IAH1: variants seen among roughly 807,000 people sequenced by gnomAD.
IAH1 encodes isoamyl acetate hydrolyzing esterase 1 (putative).
Under a neutral mutation model 26.7 loss-of-function variants are expected in IAH1, and 24 were observed. That is an observed-to-expected ratio of 0.90 (90% confidence interval 0.65 to 1.26). The LOEUF is 1.26. Ranked by LOEUF, IAH1 falls within the 50% of genes most tolerant of loss-of-function variation. The probability of loss-of-function intolerance (pLI) is 0.00; values close to 1 mark genes in which losing one functional copy is unlikely to be tolerated. For synonymous variants in IAH1, 140 were observed against 118.5 expected, an observed-to-expected ratio of 1.18 and a Z score of -1.18; for missense variants, 300 against 299.9, an observed-to-expected ratio of 1.00 and a Z score of 0.00.
At chr2:9,477,785 T>C (rs1660909488) in intron 2 of IAH1, among the ~76,000 whole-genome samples, 1 of 151,280 alleles carries the variant, frequency 6.6e-6, no homozygotes, top group Non-Finnish European at 1.5e-5. Flanking sequence ...CTAAAACTAT[T>C]TAATCAAAAC....
downstream of IAH1, chr2:9,490,461 G>GAA: frequency 6.2e-7 from 1 of 1,614,070 alleles, no homozygotes; most frequent in Non-Finnish European, 8.5e-7. Context: ...TGGGGCGCAG[G>GAA]AAAGGGTTTG....
chr2:9,512,194 T>G, the IAH1 span: 1 of 152,226 alleles, frequency 6.6e-6, no homozygotes, highest in East Asian at 1.9e-4. Context: ...CCCAAAGGTG[T>G]AATGAAGAGA....
chr2:9,492,011 A>G (rs888867590), downstream of IAH1, among the ~76,000 whole-genome samples: 2 of 152,188 alleles, frequency 1.3e-5, no homozygotes, highest in Non-Finnish European at 2.9e-5. Context: ...AGTGCTCCCT[A>G]GAGATCTTCC....
intron 4 of IAH1, among the ~76,000 whole-genome samples, chr2:9,481,777 C>T (rs1232030883): frequency 6.9e-6 from 1 of 145,910 alleles, no homozygotes; most frequent in South Asian, 2.2e-4. Flanking sequence ...CCTGCGGGGG[C>T]TGATGCTGAT....
At chr2:9,488,018 T>A in intron 5 of IAH1, 129 bp from the exon 6 acceptor site, 1 of 616,952 alleles carries the variant, frequency 1.6e-6, no homozygotes. Flanking sequence ...ATTTTTAAAA[T>A]TTTTTGTAGA....
At chr2:9,487,788 T>TTG (rs70948823) in intron 5 of IAH1, among the ~76,000 whole-genome samples, 2,374 of 133,916 alleles carry the variant, frequency 0.018, 28 homozygotes, top group African/African-American at 0.023. Context: ...CCCGGCCTTT[T>TTG]TGTGTGTGTG....
At chr2:9,490,845 CTAAG>C (rs1190625615), downstream of IAH1, among the ~76,000 whole-genome samples, 4 of 152,170 alleles carry the variant, frequency 2.6e-5, no homozygotes, top group Non-Finnish European at 4.4e-5. Flanking sequence ...AAAATATTAA[CTAAG>C]TGTTGAATGG....
chr2:9,499,018 A>G (rs768622816), downstream of IAH1, among the ~76,000 whole-genome samples: 31 of 152,224 alleles, frequency 2.0e-4, no homozygotes, highest in Middle Eastern at 3.4e-3. Flanking sequence ...CAGTAGATCC[A>G]GGGAGGGGAC....
the IAH1 span, among the ~76,000 whole-genome samples, chr2:9,508,831 T>C: frequency 6.6e-6 from 1 of 151,992 alleles, no homozygotes; most frequent in Non-Finnish European, 1.5e-5. Flanking sequence ...ATTCAACAGT[T>C]TGACAGGTTG....
At chr2:9,507,695 C>T in the IAH1 span, among the ~76,000 whole-genome samples, 1 of 151,844 alleles carries the variant, frequency 6.6e-6, no homozygotes, top group Admixed American at 6.6e-5. Context: ...TTCCCAGGCC[C>T]CATTCTCATT....
chr2:9,494,284 CCT>C (rs1474700719), downstream of IAH1, among the ~76,000 whole-genome samples: 1 of 152,194 alleles, frequency 6.6e-6, no homozygotes, highest in African/African-American at 2.4e-5. Flanking sequence ...TCATTCAGCA[CCT>C]GTTTCAAAAT....
chr2:9,475,009 G>A (rs1207891332), intron 1 of IAH1: 1 of 1,100,612 alleles, frequency 9.1e-7, no homozygotes, highest in Non-Finnish European at 1.1e-6. Flanking sequence ...GCGGCCGCGG[G>A]CGACCGCGCG....
At position 9,476,048 on chromosome 2, in the gene IAH1, G is replaced by C; in HGVS notation, c.134+9G>C. 1 of 1,610,950 alleles carries C rather than the reference G, an allele frequency of 6.2e-7. No homozygotes were observed. The highest frequency in any genetic ancestry group is 1.1e-5 in the South Asian group (1 of 90,820). On this transcript the variant is annotated intron_variant, in intron 2 of 5. Coordinates refer to ENST00000497473, the MANE Select transcript of IAH1 (RefSeq NM_001039613.3). ...GCTGACAGGCTGGTCAGGTGAGAAT[G>C]GTTTCCGATACTTGAGTTCTTATGG... is the stretch of plus-strand genomic sequence containing the variant.
chr2:9,503,390 C>T, the IAH1 span, among the ~76,000 whole-genome samples: 1 of 152,224 alleles, frequency 6.6e-6, no homozygotes, highest in Admixed American at 6.5e-5. Flanking sequence ...TTGTAACCTA[C>T]TTCCTCCACA....
chr2:9,475,887 A>C lies in IAH1; in HGVS notation c.82-100A>C, dbSNP rs571344378. The C allele has an allele frequency of 3.1e-6, 3 of 976,760 alleles. No homozygotes were observed. The South Asian group carries it at 4.1e-5, about 13-fold the overall frequency. The allele number at this position is 976,760 out of a possible 1,614,324, so 60.5% of individuals were successfully genotyped here. On this transcript the variant is annotated intron_variant, in intron 1 of 5. Transcript: ENST00000497473. ...CTGGAGTGAAGCAATCAAAGCCAAG[A>C]AGGGAGCGCCGAGAAAACAGAAGTT...
At position 9,488,333 on chromosome 2, in the gene IAH1, A is replaced by G. The variant is rs376279706; in HGVS notation, c.*4A>G. ...GCTGGGAGATGGAGACCATTAGCCA[A>G]TCACAGGAGACCCAAATCTGCTTGT... On this transcript the variant is annotated 3_prime_UTR_variant, in exon 6 of 6. Transcript: ENST00000497473. 2.0e-5 allele frequency: 32 copies of G among 1,586,004 alleles called. No individual in the cohort carries two copies. In the African/African-American group the frequency reaches 4.1e-4, roughly 20 times the overall value.
At chr2:9,512,069 A>C in the IAH1 span, among the ~76,000 whole-genome samples, 1 of 152,030 alleles carries the variant, frequency 6.6e-6, no homozygotes, top group Non-Finnish European at 1.5e-5. Context: ...ACTCCATAGA[A>C]CCTGAAAAAA....
chr2:9,508,981 C>T, the IAH1 span, among the ~76,000 whole-genome samples: 1 of 112,992 alleles, frequency 8.9e-6, no homozygotes, highest in Non-Finnish European at 2.1e-5. Context: ...AGAAAATATA[C>T]ATAAAAAGCC....
At chr2:9,494,870 C>A in intron 6 of IAH1, 1 of 1,427,614 alleles carries the variant, frequency 7.0e-7, no homozygotes, top group South Asian at 1.4e-5. Context: ...GGTAAGAAAT[C>A]ACATTTATTT....
Sources: gnomAD v4.1 joint callset for allele counts (sites outside exome capture counted in the v4.1 genomes callset) on GRCh38, gnomAD v4.1.1 for gene constraint, MANE v1.5 for transcripts, NCBI Gene and HGNC (gene_info 2026-07-23, HGNC 2026-07-21) for gene names.